DLGAP2: variants seen among roughly 807,000 people sequenced by gnomAD.
The protein encoded by DLGAP2 is disks large-associated protein 2.
A neutral mutation model predicts 100.3 loss-of-function variants in DLGAP2; 26 were observed. That is an observed-to-expected ratio of 0.26 (90% CI 0.19 to 0.36). The LOEUF (loss-of-function observed/expected upper bound fraction) is 0.36. Among genes scored for constraint, DLGAP2 ranks in the 10% least tolerant of loss-of-function variants. The pLI is 1.00. For synonymous variants in DLGAP2, 886 were observed against 630.1 expected (o/e 1.41, Z -6.08); for missense variants, 1,858 against 1,453.2 (o/e 1.28, Z -4.53).
chr8:936,919 G>C (rs539392065), intron 2 of DLGAP2, among the ~76,000 whole-genome samples: 2 of 152,312 alleles, frequency 1.3e-5, no homozygotes, highest in East Asian at 3.9e-4. Context: ...TTTTCACAAA[G>C]CGCACTGCGT....
intron 14 of DLGAP2, among the ~76,000 whole-genome samples, chr8:1,699,118 A>T (rs1262136999): frequency 1.3e-5 from 2 of 152,262 alleles, no homozygotes; most frequent in African/African-American, 2.4e-5. Context: ...AAGTTAGCCC[A>T]GGTGCACACG....
At chr8:1,576,865 G>C (rs1410984292) in intron 6 of DLGAP2, among the ~76,000 whole-genome samples, 2 of 152,062 alleles carry the variant, frequency 1.3e-5, no homozygotes, top group Non-Finnish European at 1.5e-5. Context: ...TATAGATTCA[G>C]TGCCATCCCC....
Position 1,532,508 on chromosome 8 carries a change from C to G in DLGAP2, c.173-16118C>G, listed in dbSNP as rs1346221163. ...CATATGGAATACTATAATTACCTACCCAAAGGATGGAAACATTTTTATGGC... is the reference window on the plus strand; with the variant it reads ...CATATGGAATACTATAATTACCTACGCAAAGGATGGAAACATTTTTATGGC... On this transcript the variant is annotated intron_variant, in intron 4 of 14. Coordinates refer to ENST00000637795, the MANE Select transcript of DLGAP2 (RefSeq NM_001346810.2). Among the ~76,000 whole-genome samples the G allele has an allele frequency of 2.6e-5, 4 of 151,948 alleles. No homozygotes were observed. The South Asian group carries it at 8.3e-4, about 32-fold the overall frequency.
chr8:851,005 C>A (rs1034326441), intron 1 of DLGAP2, among the ~76,000 whole-genome samples: 1 of 152,052 alleles, frequency 6.6e-6, no homozygotes, highest in Non-Finnish European at 1.5e-5. Flanking sequence ...CAAGTAGAGA[C>A]GCAGCAAAAG....
intron 3 of DLGAP2, among the ~76,000 whole-genome samples, chr8:1,440,294 A>G (rs1797792856): frequency 6.6e-6 from 1 of 152,200 alleles, no homozygotes; most frequent in African/African-American, 2.4e-5. Context: ...AGGGTGTTAC[A>G]GTTTATTGAA....
chr8:1,190,109 CTAA>C (rs1308794994), intron 2 of DLGAP2, among the ~76,000 whole-genome samples: 2 of 152,152 alleles, frequency 1.3e-5, no homozygotes, highest in Non-Finnish European at 2.9e-5. Flanking sequence ...ACTCTTACTG[CTAA>C]TAATAAACAA....
intron 8 of DLGAP2, among the ~76,000 whole-genome samples, chr8:1,642,469 C>G (rs76439073): frequency 0.017 from 2 of 118 alleles, 1 homozygote; most frequent in Non-Finnish European, 0.033. Flanking sequence ...CCTCGACCCC[C>G]CCGGTCCTCA....
At chr8:1,077,911 G>A (rs1433914409) in intron 2 of DLGAP2, among the ~76,000 whole-genome samples, 6 of 152,142 alleles carry the variant, frequency 3.9e-5, no homozygotes, top group Admixed American at 1.3e-4. Context: ...TCCAGCGGCC[G>A]CCGCACAGCC....
chr8:1,136,013 C>CCG, intron 2 of DLGAP2, among the ~76,000 whole-genome samples: 1 of 152,302 alleles, frequency 6.6e-6, no homozygotes, highest in Non-Finnish European at 1.5e-5. Flanking sequence ...AAACTTTATT[C>CCG]AAGTCAAGAA....
chr8:1,260,882 T>C (rs1442956918), intron 3 of DLGAP2, among the ~76,000 whole-genome samples: 1 of 152,202 alleles, frequency 6.6e-6, no homozygotes. Context: ...GTCTGTGACC[T>C]CTCAGGCCCA....
intron 2 of DLGAP2, among the ~76,000 whole-genome samples, chr8:1,198,365 G>A (rs78449795): frequency 1.1e-3 from 175 of 152,280 alleles, no homozygotes; most frequent in African/African-American, 3.9e-3. Flanking sequence ...GGGGCGTCAC[G>A]CATGTTGCAC....
chr8:823,292 G>C (rs1332188566), intron 1 of DLGAP2, among the ~76,000 whole-genome samples: 1 of 146,756 alleles, frequency 6.8e-6, no homozygotes, highest in African/African-American at 2.6e-5. Flanking sequence ...CTGAGGAGTT[G>C]TAAGGCGAGC....
intron 1 of DLGAP2, among the ~76,000 whole-genome samples, chr8:852,380 C>G (rs1797198181): frequency 6.6e-6 from 1 of 152,162 alleles, no homozygotes; most frequent in African/African-American, 2.4e-5. Flanking sequence ...CACACGTGAT[C>G]TTCAGTTTTC....
intron 2 of DLGAP2, among the ~76,000 whole-genome samples, chr8:914,902 C>G (rs1798558986): frequency 6.6e-6 from 1 of 152,130 alleles, no homozygotes; most frequent in African/African-American, 2.4e-5. Context: ...CCTACAGTTA[C>G]TTTTTGGGAG....
At chr8:989,608 T>C (rs1302278168) in intron 2 of DLGAP2, among the ~76,000 whole-genome samples, 2 of 152,164 alleles carry the variant, frequency 1.3e-5, no homozygotes, top group African/African-American at 2.4e-5. Flanking sequence ...CTTAACTGTG[T>C]TGAAAGGTAG....
In DLGAP2 at chr8:873,670, G is replaced by C. The variant is rs537956319; in HGVS notation, c.19-34242G>C. Among the ~76,000 whole-genome samples, 4 of 152,084 alleles carry C rather than the reference G, an allele frequency of 2.6e-5. No homozygotes were observed. The East Asian group carries it at 7.7e-4, about 29-fold the overall frequency. ...ATGTATTTGCCTGGCTTTGATATTA[G>C]AGTAATATTGGCCTGATAAAATGAA... On this transcript the variant is annotated intron_variant, in intron 1 of 14. Coordinates refer to ENST00000637795, the MANE Select transcript of DLGAP2 (RefSeq NM_001346810.2).
In DLGAP2 at chr8:1,039,650, AGCTCGGTGTGGG is replaced by A. The variant is rs1563158876; in HGVS notation, c.73+131685_73+131696del. ...CGTGGTCAGCTCGGTGTGCGTGGTC[AGCTCGGTGTGGG>A]TGGTCAGCTCGGTGTGCGTGGTCAG... On this transcript the variant is annotated intron_variant, in intron 2 of 14. Coordinates refer to ENST00000637795, the MANE Select transcript of DLGAP2 (RefSeq NM_001346810.2). Among the ~76,000 whole-genome samples the A allele has an allele frequency of 8.1e-3, 240 of 29,786 alleles. 7 individuals carry two copies. Among genetic ancestry groups the A allele is most frequent in the Non-Finnish European group, 0.012 (190 of 15,476 alleles). 19.5% of individuals were successfully genotyped at this position (29,786 alleles called of 152,430 possible). A position where few individuals can be genotyped will look rare whatever the true frequency, so the allele number is the denominator to read the frequency against.
At chr8:1,364,597 G>A (rs1802066564) in intron 3 of DLGAP2, among the ~76,000 whole-genome samples, 1 of 152,238 alleles carries the variant, frequency 6.6e-6, no homozygotes, top group Non-Finnish European at 1.5e-5. Flanking sequence ...CGCAGCAGGG[G>A]CCGGCGTGCC....
intron 3 of DLGAP2, among the ~76,000 whole-genome samples, chr8:1,319,586 G>T (rs1800848305): frequency 6.6e-6 from 1 of 152,230 alleles, no homozygotes; most frequent in African/African-American, 2.4e-5. Flanking sequence ...ATTCTCCTAG[G>T]AAGGTAGGCT....
Sources: gnomAD v4.1 joint callset for allele counts (sites outside exome capture counted in the v4.1 genomes callset) on GRCh38, gnomAD v4.1.1 for gene constraint, MANE v1.5 for transcripts, NCBI Gene and HGNC (gene_info 2026-07-23, HGNC 2026-07-21) for gene names.